Variants in DPYD observed in about 807,000 individuals in gnomAD.
DPYD encodes the protein dihydropyrimidine dehydrogenase, also known as dihydropyrimidine dehydrogenase [NADP(+)].
In DPYD, 109 loss-of-function variants were observed where a neutral mutation model predicts 116.2. That is an observed-to-expected ratio of 0.94 (90% CI 0.80 to 1.10). The LOEUF is 1.10. Among genes scored for constraint, DPYD ranks in the 50% least tolerant of loss-of-function variants. The probability of loss-of-function intolerance (pLI) is 0.00; values close to 1 mark genes in which losing one functional copy is unlikely to be tolerated. For synonymous variants in DPYD, 440 were observed against 432.0 expected (o/e 1.02, Z -0.23); for missense variants, 1,302 against 1,254.5 (o/e 1.04, Z -0.57).
chr1:97,171,231 C>T (rs923100045), intron 20 of DPYD, among the ~76,000 whole-genome samples: 5 of 151,966 alleles, frequency 3.3e-5, no homozygotes, highest in Non-Finnish European at 7.4e-5. Context: ...GGCTTGATGC[C>T]AATGATGAAA....
chr1:97,760,473 A>G (rs1665513951), intron 3 of DPYD, among the ~76,000 whole-genome samples: 1 of 152,256 alleles, frequency 6.6e-6, no homozygotes, highest in Admixed American at 6.5e-5. Flanking sequence ...AAGATACAGT[A>G]TAGCTATTTA....
chr1:97,641,410 A>C (rs1657894353), intron 8 of DPYD, among the ~76,000 whole-genome samples: 1 of 151,594 alleles, frequency 6.6e-6, no homozygotes, highest in Admixed American at 6.6e-5. Flanking sequence ...CCAAATAAAG[A>C]AAGATTTTAC....
intron 8 of DPYD, among the ~76,000 whole-genome samples, chr1:97,642,202 C>T (rs1225089582): frequency 6.6e-6 from 1 of 152,012 alleles, no homozygotes; most frequent in East Asian, 1.9e-4. Context: ...GTGCGATCCT[C>T]ATCAAGCTAC....
chr1:97,756,127 G>C (rs1212210069), intron 3 of DPYD, among the ~76,000 whole-genome samples: 3 of 152,084 alleles, frequency 2.0e-5, no homozygotes, highest in Non-Finnish European at 4.4e-5. Context: ...AGCCAACCAA[G>C]GGGGAACACA....
chr1:97,727,907 T>C (rs1388314763), intron 4 of DPYD, among the ~76,000 whole-genome samples: 1 of 151,890 alleles, frequency 6.6e-6, no homozygotes, highest in African/African-American at 2.4e-5. Flanking sequence ...CTCTTCATTC[T>C]TTTTAAAAGT....
At chr1:97,742,536 CCT>C (rs1664326434) in intron 3 of DPYD, among the ~76,000 whole-genome samples, 1 of 152,056 alleles carries the variant, frequency 6.6e-6, no homozygotes, top group Admixed American at 6.6e-5. Flanking sequence ...TAGTTGAATT[CCT>C]GTCTGCTCAT....
In DPYD at chr1:97,508,758, G is replaced by A. The variant is rs147762177; in HGVS notation, c.1740+6968C>T. 3.6e-3 allele frequency among the ~76,000 whole-genome samples: 541 copies of A among 152,052 alleles called. 4 individuals carry two copies. The highest frequency in any genetic ancestry group is 6.7e-3 in the Non-Finnish European group (458 of 67,916). The stretch of plus-strand genomic sequence containing the variant: ...TCAAATAGACCTTGGTTCAAATCCT[G>A]ACGTGGTGGATTTCAGTGTTTTGAT... On this transcript the variant is annotated intron_variant, in intron 13 of 22. Transcript: ENST00000370192.
chr1:97,224,978 GATCTATCTAACTATCTGTCTGTCTGTCT>G (rs955509307), intron 19 of DPYD, among the ~76,000 whole-genome samples: 6 of 151,122 alleles, frequency 4.0e-5, no homozygotes, highest in African/African-American at 1.2e-4. Flanking sequence ...TGGGAGTACA[GATCTATCTAACTATCTGTCTGTCTGTCT>G]ATCTATCTAT....
intron 1 of DPYD, among the ~76,000 whole-genome samples, chr1:97,917,258 G>A: frequency 6.6e-6 from 1 of 152,052 alleles, no homozygotes; most frequent in Non-Finnish European, 1.5e-5. Context: ...TGTATAAAGT[G>A]GAATCTTTAT....
In DPYD at chr1:97,846,037, T is replaced by G. The variant is rs555183120; in HGVS notation, c.151-17841A>C. Among the ~76,000 whole-genome samples the G allele has an allele frequency of 3.9e-5, 6 of 152,296 alleles. No homozygotes were observed. In the South Asian group the frequency reaches 1.2e-3, roughly 32 times the overall value. On this transcript the variant is annotated intron_variant, in intron 2 of 22. Coordinates refer to ENST00000370192, the MANE Select transcript of DPYD (RefSeq NM_000110.4). ...CACCTCTTGCCACTCTGCAACTGGC[T>G]TGCCCTGGGCAGGTATGGGATCCAG...
At chr1:97,749,891 A>T (rs182111299) in intron 3 of DPYD, among the ~76,000 whole-genome samples, 5 of 152,078 alleles carry the variant, frequency 3.3e-5, no homozygotes, top group South Asian at 2.1e-4. Context: ...TAGCTTTTCT[A>T]TTGCACTGTA....
chr1:97,108,695 GA>G (rs1486341480), intron 20 of DPYD, among the ~76,000 whole-genome samples: 1 of 152,006 alleles, frequency 6.6e-6, no homozygotes, highest in East Asian at 1.9e-4. Flanking sequence ...TTTTTTTAAT[GA>G]AAGCTATTAT....
chr1:97,224,667 C>T (rs1279894500), intron 19 of DPYD, among the ~76,000 whole-genome samples: 2 of 151,792 alleles, frequency 1.3e-5, no homozygotes, highest in Non-Finnish European at 1.5e-5. Flanking sequence ...TGTAACCTTC[C>T]TACTTCATGC....
At chr1:97,661,385 T>C (rs1659247328) in intron 8 of DPYD, among the ~76,000 whole-genome samples, 1 of 151,876 alleles carries the variant, frequency 6.6e-6, no homozygotes, top group African/African-American at 2.4e-5. Context: ...TATGGAAACA[T>C]ATAGAATCGA....
chr1:97,316,903 T>A (rs1667887801), intron 16 of DPYD, among the ~76,000 whole-genome samples: 1 of 151,808 alleles, frequency 6.6e-6, no homozygotes, highest in Admixed American at 6.6e-5. Context: ...TGGTGTATAT[T>A]CCCAGGTCTA....
chr1:97,584,730 A>G (rs745492233), intron 10 of DPYD, among the ~76,000 whole-genome samples: 3 of 144,602 alleles, frequency 2.1e-5, no homozygotes, highest in Non-Finnish European at 4.5e-5. Flanking sequence ...GTTCTCATTC[A>G]TAGGTGGGAA....
intron 10 of DPYD, among the ~76,000 whole-genome samples, chr1:97,586,750 T>C (rs964573030): frequency 6.6e-6 from 1 of 151,832 alleles, no homozygotes; most frequent in Admixed American, 6.6e-5. Context: ...ACATGTACTG[T>C]AGAATTCTGA....
chr1:97,242,537 G>A lies in DPYD; in HGVS notation c.2300-7543C>T, dbSNP rs575961105. 5.9e-5 allele frequency among the ~76,000 whole-genome samples: 9 copies of A among 151,550 alleles called. No homozygotes were observed. The South Asian group carries it at 1.7e-3, about 28-fold the overall frequency. ...TTCACAGGTATCATCTCTGGGAAAG[G>A]GGGTGAGTCCTGCAGTAAAGGGATT... On this transcript the variant is annotated intron_variant, in intron 18 of 22. Coordinates refer to ENST00000370192, the MANE Select transcript of DPYD (RefSeq NM_000110.4).
chr1:97,282,874 TG>T (rs1665415364), intron 18 of DPYD, among the ~76,000 whole-genome samples: 1 of 152,168 alleles, frequency 6.6e-6, no homozygotes, highest in Non-Finnish European at 1.5e-5. Context: ...GCTTCATCCA[TG>T]TTGTTGCAAA....
Sources: allele counts gnomAD v4.1 joint callset (sites outside exome capture counted in the v4.1 genomes callset), GRCh38; gene constraint gnomAD v4.1.1; transcripts MANE v1.5; gene names NCBI Gene and HGNC (gene_info 2026-07-23, HGNC 2026-07-21).